LRMDA: variants seen among roughly 807,000 people sequenced by gnomAD.
The protein encoded by LRMDA is leucine rich melanocyte differentiation associated.
In LRMDA, 18 loss-of-function variants were observed where a neutral mutation model predicts 29.8. That is an observed-to-expected ratio of 0.60 (90% CI 0.42 to 0.90). The LOEUF (loss-of-function observed/expected upper bound fraction) is 0.90, where lower values mean the gene tolerates loss of function less well. Among genes scored for constraint, LRMDA ranks in the 40% least tolerant of loss-of-function variants. The pLI, the probability that LRMDA is intolerant of heterozygous loss-of-function variation, is 0.00. For synonymous variants in LRMDA, 125 were observed against 109.4 expected (o/e 1.14, Z -0.89); for missense variants, 273 against 273.9 (o/e 1.00, Z 0.02).
chr10:75,799,381 T>C (rs1843708482), intron 2 of LRMDA, among the ~76,000 whole-genome samples: 1 of 152,208 alleles, frequency 6.6e-6, no homozygotes, highest in Non-Finnish European at 1.5e-5. Flanking sequence ...CTTTTTTATG[T>C]GTACTTTTTT....
At chr10:76,141,423 T>A (rs1052618763) in intron 5 of LRMDA, among the ~76,000 whole-genome samples, 2 of 152,154 alleles carry the variant, frequency 1.3e-5, no homozygotes, top group African/African-American at 4.8e-5. Flanking sequence ...TGCCCTTCAG[T>A]TGAGAACCTC....
Position 75,832,139 on chromosome 10 carries a change from C to T in LRMDA, c.132-203869C>T, listed in dbSNP as rs187584159. Among the ~76,000 whole-genome samples the T allele has an allele frequency of 1.6e-3, 245 of 152,320 alleles. 1 individual carries two copies. The highest frequency in any genetic ancestry group is 5.4e-3 in the African/African-American group (226 of 41,576). ...TCAGAAAATTGGATTTTCTTTTTTA[C>T]TGCATCATCAGGCTACAAATTTTCG... On this transcript the variant is annotated intron_variant, in intron 2 of 6. Coordinates refer to ENST00000611255, the MANE Select transcript of LRMDA (RefSeq NM_001305581.2).
intron 6 of LRMDA, among the ~76,000 whole-genome samples, chr10:76,537,223 A>G (rs912423551): frequency 1.3e-5 from 2 of 152,196 alleles, no homozygotes. Context: ...CACAACATGA[A>G]TCAGCCATTT....
intron 5 of LRMDA, among the ~76,000 whole-genome samples, chr10:76,059,338 C>T (rs1848667859): frequency 6.6e-6 from 1 of 152,204 alleles, no homozygotes; most frequent in Non-Finnish European, 1.5e-5. Flanking sequence ...GTGGTGTTTA[C>T]TGACCTTTCC....
intron 3 of LRMDA, among the ~76,000 whole-genome samples, chr10:76,041,621 T>C (rs890316480): frequency 6.6e-6 from 1 of 152,162 alleles, no homozygotes; most frequent in Non-Finnish European, 1.5e-5. Context: ...CATTCTCACC[T>C]GGGACAGCTT....
chr10:75,986,518 T>C (rs183665950), intron 2 of LRMDA, among the ~76,000 whole-genome samples: 11 of 152,388 alleles, frequency 7.2e-5, no homozygotes. Context: ...AGCTTTTAGA[T>C]GTTGTTTAAC....
At chr10:76,025,000 C>A (rs756034519) in intron 2 of LRMDA, among the ~76,000 whole-genome samples, 6 of 152,192 alleles carry the variant, frequency 3.9e-5, no homozygotes, top group Admixed American at 6.5e-5. Flanking sequence ...TCCACTCTCA[C>A]ATCTCCCTAG....
chr10:75,499,306 T>G (rs1283734075), intron 2 of LRMDA, among the ~76,000 whole-genome samples: 2 of 152,212 alleles, frequency 1.3e-5, no homozygotes, highest in African/African-American at 4.8e-5. Context: ...CATCTCTCCC[T>G]GCCTGTGTAT....
At chr10:75,465,752 T>C (rs1304583046) in intron 2 of LRMDA, among the ~76,000 whole-genome samples, 1 of 152,220 alleles carries the variant, frequency 6.6e-6, no homozygotes, top group Non-Finnish European at 1.5e-5. Flanking sequence ...ATCTGGCATA[T>C]GGTAGCAGGC....
chr10:76,404,065 TA>T (rs1306880374), intron 6 of LRMDA, among the ~76,000 whole-genome samples: 2 of 150,778 alleles, frequency 1.3e-5, no homozygotes, highest in East Asian at 1.9e-4. Flanking sequence ...TGAGTCACCT[TA>T]AAAAAAAATG....
intron 6 of LRMDA, among the ~76,000 whole-genome samples, chr10:76,440,322 G>A (rs1842288320): frequency 6.6e-6 from 1 of 152,160 alleles, no homozygotes; most frequent in Non-Finnish European, 1.5e-5. Context: ...CAATCACAAT[G>A]CACATAATTT....
intron 5 of LRMDA, among the ~76,000 whole-genome samples, chr10:76,098,260 C>G (rs190924476): frequency 4.6e-5 from 7 of 152,110 alleles, no homozygotes; most frequent in Non-Finnish European, 1.0e-4. Flanking sequence ...GTAGAATTCA[C>G]TAGCAAATAT....
In LRMDA at chr10:76,450,842, C is replaced by A. The variant is rs188001660; in HGVS notation, c.602-106367C>A. Among the ~76,000 whole-genome samples the A allele has an allele frequency of 8.8e-3, 1,337 of 152,214 alleles. 10 individuals carry two copies. Among genetic ancestry groups the A allele is most frequent in the Non-Finnish European group, 0.012 (817 of 68,010 alleles). ...CCTTTGACACTCTGATTCTCTTTTA[C>A]AGAGTCTGTTTTACAGAGTTTTTGA... On this transcript the variant is annotated intron_variant, in intron 6 of 6. Coordinates refer to ENST00000611255, the MANE Select transcript of LRMDA (RefSeq NM_001305581.2).
chr10:75,528,705 GA>G, intron 2 of LRMDA, among the ~76,000 whole-genome samples: 1 of 152,240 alleles, frequency 6.6e-6, no homozygotes, highest in African/African-American at 2.4e-5. Flanking sequence ...AGGATTGCTT[GA>G]TGTTTATGAG....
chr10:75,458,471 G>T (rs1202004164), intron 2 of LRMDA, among the ~76,000 whole-genome samples: 2 of 141,976 alleles, frequency 1.4e-5, no homozygotes, highest in African/African-American at 5.0e-5. Flanking sequence ...AAGGGAAGAG[G>T]GAGGAAGCAG....
chr10:75,977,580 G>GCCTAA (rs1847096326), intron 2 of LRMDA, among the ~76,000 whole-genome samples: 1 of 152,184 alleles, frequency 6.6e-6, no homozygotes, highest in Non-Finnish European at 1.5e-5. Context: ...CTAAGTATCA[G>GCCTAA]GTTTGCACTG....
intron 6 of LRMDA, among the ~76,000 whole-genome samples, chr10:76,425,587 T>C (rs1477485268): frequency 1.3e-5 from 2 of 151,298 alleles, no homozygotes; most frequent in African/African-American, 4.8e-5. Context: ...TTATTTTATT[T>C]ATTTATTTAT....
Position 75,431,765 on chromosome 10 carries a change from G to T in LRMDA, c.30+11G>T. ...GTGCGTGGAACTCAAGTAAGTCCCGGCCAGCCCCGCCTCCGCCCGGGGCGC... is the reference window on the plus strand; with the variant it reads ...GTGCGTGGAACTCAAGTAAGTCCCGTCCAGCCCCGCCTCCGCCCGGGGCGC... On this transcript the variant is annotated intron_variant, in intron 1 of 6. Transcript: ENST00000611255. 2 of 1,362,320 alleles carry T rather than the reference G, an allele frequency of 1.5e-6. No homozygotes were observed. The highest frequency in any genetic ancestry group is 1.9e-6 in the Non-Finnish European group (2 of 1,051,618). 84.4% of individuals were successfully genotyped at this position (1,362,320 alleles called of 1,614,324 possible).
intron 5 of LRMDA, among the ~76,000 whole-genome samples, chr10:76,277,146 A>C (rs2132328959): frequency 6.6e-6 from 1 of 152,274 alleles, no homozygotes; most frequent in African/African-American, 2.4e-5. Context: ...ACAGCTCTTC[A>C]GCCCAGAAAT....
Sources: allele counts gnomAD v4.1 joint callset (sites outside exome capture counted in the v4.1 genomes callset), GRCh38; gene constraint gnomAD v4.1.1; transcripts MANE v1.5; gene names NCBI Gene and HGNC (gene_info 2026-07-23, HGNC 2026-07-21).